C6: variants seen among roughly 807,000 people sequenced by gnomAD.
The protein encoded by C6 is complement C6.
C6 carries 101 observed loss-of-function variants against 112.9 expected under a neutral mutation model. The observed-to-expected ratio is 0.89, with a 90% CI of 0.76 to 1.06. C6 has a LOEUF of 1.06. Among genes scored for constraint, C6 ranks in the 50% least tolerant of loss-of-function variants. The pLI, the probability that C6 is intolerant of heterozygous loss-of-function variation, is 0.00. For synonymous variants in C6, 431 were observed against 384.1 expected, an observed-to-expected ratio of 1.12 and a Z score of -1.43; for missense variants, 1,202 against 1,104.6, an observed-to-expected ratio of 1.09 and a Z score of -1.25.
chr5:41,176,295 A>G (rs1438823482), intron 8 of C6, among the ~76,000 whole-genome samples, 180 bp downstream of exon 8: 1 of 152,098 alleles, frequency 6.6e-6, no homozygotes, highest in Non-Finnish European at 1.5e-5. Context: ...TTTTGGTCTT[A>G]GTTTTCTATT....
intron 1 of C6, among the ~76,000 whole-genome samples, chr5:41,223,646 T>A (rs1339634520): frequency 2.0e-5 from 3 of 152,158 alleles, no homozygotes; most frequent in Admixed American, 6.6e-5. Flanking sequence ...TAGGCTTAGA[T>A]GTATGAAAGA....
intron 1 of C6, among the ~76,000 whole-genome samples, chr5:41,221,597 G>A (rs896745063): frequency 3.3e-5 from 5 of 152,036 alleles, no homozygotes; most frequent in African/African-American, 1.2e-4. Context: ...AAGTTTATTG[G>A]CTGCCATTGG....
intron 8 of C6, among the ~76,000 whole-genome samples, chr5:41,175,265 C>T (rs1748742709): frequency 2.6e-5 from 4 of 152,166 alleles, no homozygotes; most frequent in Admixed American, 2.6e-4. Flanking sequence ...GCTAGATCAT[C>T]CTCACATCCA....
chr5:41,240,273 C>G (rs910404266), intron 1 of C6, among the ~76,000 whole-genome samples: 8 of 152,110 alleles, frequency 5.3e-5, no homozygotes, highest in Non-Finnish European at 1.0e-4. Context: ...CCCATAGGTG[C>G]TATTGGTGGG....
In C6 at chr5:41,185,939, C is replaced by A. The variant is rs951249343; in HGVS notation, c.726+131G>T. 1.2e-5 allele frequency: 13 copies of A among 1,116,594 alleles called. No homozygotes were observed. The African/African-American group carries it at 1.7e-4, about 14-fold the overall frequency. 69.2% of individuals were successfully genotyped at this position (1,116,594 alleles called of 1,614,324 possible). ...TGTGTGTGCATGGATAAAATACAAA[C>A]ACATAACACGTGATTAAAATGGTTC... On this transcript the variant is annotated intron_variant, in intron 6 of 17. Transcript: ENST00000337836.
At chr5:41,233,980 A>C (rs1740071544) in intron 1 of C6, among the ~76,000 whole-genome samples, 1 of 152,122 alleles carries the variant, frequency 6.6e-6, no homozygotes, top group African/African-American at 2.4e-5. Context: ...CTGTTTCCAT[A>C]GTAAATCTCT....
intron 1 of C6, among the ~76,000 whole-genome samples, chr5:41,243,362 C>T (rs1170180085): frequency 3.9e-5 from 6 of 152,112 alleles, no homozygotes. Flanking sequence ...AGCACATTTT[C>T]TATTATTTTG....
chr5:41,255,159 A>G (rs183561490), intron 1 of C6, among the ~76,000 whole-genome samples: 1 of 152,210 alleles, frequency 6.6e-6, no homozygotes, highest in African/African-American at 2.4e-5. Context: ...GCAGGAGTTC[A>G]AGACCAGCCT....
Position 41,243,775 on chromosome 5 carries a change from T to A in C6, c.-21+17419A>T, listed in dbSNP as rs1163672539. Among the ~76,000 whole-genome samples the A allele has an allele frequency of 2.0e-5, 3 of 152,030 alleles. No individual in the cohort carries two copies. In the South Asian group the frequency reaches 6.2e-4, roughly 31 times the overall value. On this transcript the variant is annotated intron_variant, in intron 1 of 17. Transcript: ENST00000263413. Reference sequence around the variant, plus strand: ...AACTCTTAGCATATGTAAAAGGCAATCCAGAAATAACAGAGAGTTAATGAT... The same window carrying A: ...AACTCTTAGCATATGTAAAAGGCAAACCAGAAATAACAGAGAGTTAATGAT...
At chr5:41,221,800 A>G (rs1358039512) in intron 1 of C6, among the ~76,000 whole-genome samples, 1 of 152,210 alleles carries the variant, frequency 6.6e-6, no homozygotes, top group African/African-American at 2.4e-5. Flanking sequence ...AAAAGTATCA[A>G]CAATATATAA....
At position 41,149,478 on chromosome 5, in the gene C6, G is replaced by T. The variant is rs1746173536; in HGVS notation, c.2386C>A (p.His796Asn). 1 of 1,613,852 alleles carries T rather than the reference G, an allele frequency of 6.2e-7. No homozygotes were observed. Among genetic ancestry groups the T allele is most frequent in the African/African-American group, 1.3e-5 (1 of 74,920 alleles). ...TCAAACACACAGAGATCTTCTGAATGATGGCTGCCCAAGAGAGGAAAGCAA... is the reference window on the plus strand; with the variant it reads ...TCAAACACACAGAGATCTTCTGAATTATGGCTGCCCAAGAGAGGAAAGCAA... ...CMSPEEDCSH[H>N]SEDLCVFDTD... The change falls in exon 17 of 18, where the codon CAT (histidine) becomes AAT (asparagine). Residue 796 changes from histidine to asparagine, a missense_variant. Physicochemically the swap from His to Asn is moderately conservative, Grantham distance 68 (BLOSUM62 1). Transcript: ENST00000337836.
At chr5:41,214,925 G>A (rs1752143371), upstream of C6, among the ~76,000 whole-genome samples, 1 of 152,080 alleles carries the variant, frequency 6.6e-6, no homozygotes, top group Non-Finnish European at 1.5e-5. Flanking sequence ...GGTGGAGAGA[G>A]TTAAGGATGG....
intron 1 of C6, among the ~76,000 whole-genome samples, chr5:41,256,879 C>T (rs1741747974): frequency 6.6e-6 from 1 of 152,076 alleles, no homozygotes; most frequent in Non-Finnish European, 1.5e-5. Flanking sequence ...GTGGGAGGTT[C>T]CCATACCCAC....
At chr5:41,247,265 CA>C (rs1264226094) in intron 1 of C6, among the ~76,000 whole-genome samples, 3 of 152,088 alleles carry the variant, frequency 2.0e-5, no homozygotes, top group African/African-American at 7.2e-5. Context: ...TCCTAATTGA[CA>C]ATATGATCCT....
intron 1 of C6, among the ~76,000 whole-genome samples, chr5:41,205,894 G>A (rs1381277170): frequency 6.6e-6 from 1 of 152,214 alleles, no homozygotes; most frequent in Non-Finnish European, 1.5e-5. Context: ...CGGAGTTTGA[G>A]ATCTGAGAAT....
intron 16 of C6, 140 bp from the exon 17 acceptor site, chr5:41,149,622 G>T: frequency 9.1e-7 from 1 of 1,098,294 alleles, no homozygotes; most frequent in Non-Finnish European, 1.4e-6. Flanking sequence ...CTGGGCTTGA[G>T]TGAGAGGAAC....
intron 6 of C6, among the ~76,000 whole-genome samples, chr5:41,184,531 G>T (rs950676471): frequency 6.6e-6 from 1 of 151,928 alleles, no homozygotes; most frequent in Non-Finnish European, 1.5e-5. Context: ...GAGTGCAGTG[G>T]CGTGATCTCG....
intron 7 of C6, among the ~76,000 whole-genome samples, chr5:41,178,102 G>T (rs890346075): frequency 6.6e-6 from 1 of 152,018 alleles, no homozygotes. Flanking sequence ...TCTACTTGCT[G>T]GTTCATGATA....
chr5:41,208,033 T>C (rs1417011947), intron 1 of C6, among the ~76,000 whole-genome samples: 1 of 152,150 alleles, frequency 6.6e-6, no homozygotes, highest in South Asian at 2.1e-4. Context: ...GTCTCTCACA[T>C]CACAGTGCAA....
Sources: allele counts gnomAD v4.1 joint callset (sites outside exome capture counted in the v4.1 genomes callset), GRCh38; gene constraint gnomAD v4.1.1; transcripts MANE v1.5; gene names NCBI Gene and HGNC (gene_info 2026-07-23, HGNC 2026-07-21).